ERC2: variants seen among roughly 807,000 people sequenced by gnomAD.
The protein encoded by ERC2 is ELKS/RAB6-interacting/CAST family member 2.
In ERC2, 42 loss-of-function variants were observed where a neutral mutation model predicts 114.8. The observed-to-expected ratio is 0.37, with a 90% CI of 0.29 to 0.47. The LOEUF is 0.47. Ranked by LOEUF, ERC2 falls within the 20% of genes least tolerant of loss-of-function variation. The pLI, the probability that ERC2 is intolerant of heterozygous loss-of-function variation, is 0.99. For synonymous variants in ERC2, 454 were observed against 425.5 expected, an observed-to-expected ratio of 1.07 and a Z score of -0.82; for missense variants, 939 against 1,150.7, an observed-to-expected ratio of 0.82 and a Z score of 2.66.
At chr3:56,051,562 T>A (rs553753227) in intron 7 of ERC2, among the ~76,000 whole-genome samples, 1 of 152,130 alleles carries the variant, frequency 6.6e-6, no homozygotes, top group African/African-American at 2.4e-5. Flanking sequence ...GTTTTCAACA[T>A]CAATCTTGAG....
intron 15 of ERC2, among the ~76,000 whole-genome samples, chr3:55,733,177 G>A (rs1249776434): frequency 2.0e-5 from 3 of 152,136 alleles, no homozygotes; most frequent in African/African-American, 7.2e-5. Context: ...AGGAATTAGG[G>A]AAAAGCAAAG....
intron 1 of ERC2, among the ~76,000 whole-genome samples, chr3:56,459,695 C>T (rs1338410105): frequency 6.6e-6 from 1 of 152,246 alleles, no homozygotes; most frequent in Non-Finnish European, 1.5e-5. Flanking sequence ...GCCCTTCCAA[C>T]TCTTCATCCA....
At chr3:56,064,705 C>T (rs1188099341) in intron 7 of ERC2, among the ~76,000 whole-genome samples, 1 of 152,174 alleles carries the variant, frequency 6.6e-6, no homozygotes, top group South Asian at 2.1e-4. Flanking sequence ...TTAGAGTACA[C>T]TTTTAAAATC....
In ERC2 at chr3:56,020,762, G is replaced by A. The variant is rs562380757; in HGVS notation, c.1642-1731C>T. Among the ~76,000 whole-genome samples, 13 of 152,268 alleles carry A rather than the reference G, an allele frequency of 8.5e-5. 1 individual carries two copies. Among genetic ancestry groups the A allele is most frequent in the African/African-American group, 3.1e-4 (13 of 41,554 alleles). The stretch of plus-strand genomic sequence containing the variant: ...GGCCCACCCTGGCAGACAGTGCCCT[G>A]GGCATAAGAGGAGGACATCAGCCTT... On this transcript the variant is annotated intron_variant, in intron 7 of 17. Transcript: ENST00000288221.
intron 4 of ERC2, among the ~76,000 whole-genome samples, chr3:56,153,026 A>T (rs2081507088): frequency 6.6e-6 from 1 of 152,186 alleles, no homozygotes; most frequent in South Asian, 2.1e-4. Flanking sequence ...ATGAGGATGA[A>T]AGTGGGATGG....
At chr3:56,351,944 T>C (rs2058568421) in intron 2 of ERC2, among the ~76,000 whole-genome samples, 1 of 152,120 alleles carries the variant, frequency 6.6e-6, no homozygotes, top group South Asian at 2.1e-4. Flanking sequence ...GAACTAAGCA[T>C]GAGATACAGG....
intron 6 of ERC2, among the ~76,000 whole-genome samples, chr3:56,120,253 G>A (rs570187713): frequency 7.9e-5 from 12 of 152,250 alleles, no homozygotes; most frequent in Middle Eastern, 6.8e-3. Context: ...TCGATTGGGC[G>A]CCGGCTCTCC....
intron 10 of ERC2, among the ~76,000 whole-genome samples, chr3:56,000,426 AC>A (rs1485663387): frequency 6.6e-6 from 1 of 152,162 alleles, no homozygotes; most frequent in Non-Finnish European, 1.5e-5. Context: ...TCTATATAAA[AC>A]ACAGAATAAC....
chr3:55,985,942 G>A (rs765036725), intron 12 of ERC2, 35 bp downstream of exon 12: 2 of 1,533,688 alleles, frequency 1.3e-6, no homozygotes, highest in South Asian at 2.4e-5. Context: ...GCTTAGGAGG[G>A]AAAGGCAGTT....
chr3:55,726,597 C>T (rs760406783), intron 15 of ERC2, among the ~76,000 whole-genome samples: 3 of 152,242 alleles, frequency 2.0e-5, no homozygotes, highest in Non-Finnish European at 4.4e-5. Flanking sequence ...TTTTTTACCA[C>T]ATCTGCGACT....
At chr3:55,581,648 G>A (rs906298508) in intron 17 of ERC2, among the ~76,000 whole-genome samples, 2 of 152,150 alleles carry the variant, frequency 1.3e-5, no homozygotes, top group Non-Finnish European at 2.9e-5. Context: ...AGCTTCAAGA[G>A]GTGCCTGTGA....
intron 17 of ERC2, among the ~76,000 whole-genome samples, chr3:55,663,391 C>T (rs564279591): frequency 4.9e-4 from 74 of 152,330 alleles, no homozygotes; most frequent in Admixed American, 1.0e-3. Flanking sequence ...GGGCTAGAAT[C>T]GATGATGGCT....
rs2058415063 is a variant in ERC2 at position 55,601,716 on chromosome 3, C to G, written c.*39+82078G>C. 2.0e-5 allele frequency among the ~76,000 whole-genome samples: 3 copies of G among 152,128 alleles called. No individual in the cohort carries two copies. The South Asian group carries it at 6.2e-4, about 32-fold the overall frequency. On this transcript the variant is annotated intron_variant, in intron 17 of 17. Coordinates refer to ENST00000288221, the MANE Select transcript of ERC2 (RefSeq NM_015576.3). ...GTGCGGTGGTTTATGTCTGTAAGCA[C>G]TTTGGGAGGCTGAGGCAAGAGAATC...
At chr3:55,789,109 C>T (rs1008392815) in intron 14 of ERC2, among the ~76,000 whole-genome samples, 8 of 152,190 alleles carry the variant, frequency 5.3e-5, no homozygotes, top group African/African-American at 1.9e-4. Context: ...ATAGTTCATG[C>T]TCATTGTTCT....
At chr3:56,091,740 C>T (rs1483428066) in intron 6 of ERC2, among the ~76,000 whole-genome samples, 4 of 152,132 alleles carry the variant, frequency 2.6e-5, no homozygotes, top group Non-Finnish European at 5.9e-5. Context: ...AGGTCTTTTG[C>T]TATAAGGTCT....
At chr3:56,273,866 G>A (rs1298678528) in intron 3 of ERC2, among the ~76,000 whole-genome samples, 2 of 152,164 alleles carry the variant, frequency 1.3e-5, no homozygotes, top group Non-Finnish European at 2.9e-5. Flanking sequence ...TAAAATATAT[G>A]CAAATCCATG....
chr3:56,324,084 G>A (rs1409343584), intron 2 of ERC2, among the ~76,000 whole-genome samples: 1 of 152,158 alleles, frequency 6.6e-6, no homozygotes, highest in Non-Finnish European at 1.5e-5. Flanking sequence ...CACCCTTATT[G>A]GTAGTGAGTC....
At chr3:55,741,158 G>A (rs1399940385) in intron 14 of ERC2, among the ~76,000 whole-genome samples, 6 of 152,054 alleles carry the variant, frequency 3.9e-5, no homozygotes, top group Admixed American at 6.6e-5. Context: ...TTATAAAAAC[G>A]AATTTCATTT....
intron 2 of ERC2, among the ~76,000 whole-genome samples, chr3:56,326,922 C>T (rs1475960954): frequency 6.6e-6 from 1 of 152,214 alleles, no homozygotes; most frequent in Non-Finnish European, 1.5e-5. Context: ...CTGGGGATCC[C>T]TGGCCCATCA....
Sources: allele counts gnomAD v4.1 joint callset (sites outside exome capture counted in the v4.1 genomes callset), GRCh38; gene constraint gnomAD v4.1.1; transcripts MANE v1.5; gene names NCBI Gene and HGNC (gene_info 2026-07-23, HGNC 2026-07-21).